XYLB: variants seen among roughly 807,000 people sequenced by gnomAD.
The protein encoded by XYLB is xylulose kinase.
XYLB carries 62 observed loss-of-function variants against 78.7 expected under a neutral mutation model. The observed-to-expected ratio is 0.79, with a 90% CI of 0.64 to 0.97. The LOEUF (loss-of-function observed/expected upper bound fraction) is 0.97, where lower values mean the gene tolerates loss of function less well. Among genes scored for constraint, XYLB ranks in the 50% least tolerant of loss-of-function variants. The pLI, the probability that XYLB is intolerant of heterozygous loss-of-function variation, is 0.00. For missense variants in XYLB, 687 were observed against 676.8 expected, an observed-to-expected ratio of 1.02 and a Z score of -0.17; for synonymous variants, 245 against 247.4, an observed-to-expected ratio of 0.99 and a Z score of 0.09.
chr3:38,364,783 G>A (rs1248862057), intron 4 of XYLB, among the ~76,000 whole-genome samples: 2 of 152,020 alleles, frequency 1.3e-5, no homozygotes, highest in African/African-American at 2.4e-5. Flanking sequence ...TGAAGAATAG[G>A]GATGAAAGTA....
chr3:38,400,492 G>T (rs1191526233), intron 17 of XYLB, among the ~76,000 whole-genome samples: 1 of 152,150 alleles, frequency 6.6e-6, no homozygotes, highest in Non-Finnish European at 1.5e-5. Context: ...GAGGCAGAAT[G>T]AGTGGAGAGA....
chr3:38,410,568 A>G (rs372265235), intron 18 of XYLB, among the ~76,000 whole-genome samples: 4 of 152,256 alleles, frequency 2.6e-5, no homozygotes, highest in South Asian at 2.1e-4. Flanking sequence ...TCTGCACAGC[A>G]AACGAAACTA....
At chr3:38,422,821 G>A (rs1026750478), downstream of XYLB, among the ~76,000 whole-genome samples, 13 of 151,874 alleles carry the variant, frequency 8.6e-5, no homozygotes, top group African/African-American at 3.1e-4. Flanking sequence ...ATTTACAAGG[G>A]TTAAAAAAAC....
intron 15 of XYLB, among the ~76,000 whole-genome samples, chr3:38,383,066 T>G (rs571376059): frequency 1.3e-5 from 2 of 152,318 alleles, no homozygotes; most frequent in South Asian, 4.1e-4. Flanking sequence ...GCACTTTGAA[T>G]AAAAATGATT....
chr3:38,377,689 C>T (rs922395554), intron 14 of XYLB, among the ~76,000 whole-genome samples: 7 of 152,078 alleles, frequency 4.6e-5, no homozygotes, highest in African/African-American at 1.2e-4. Flanking sequence ...TCAAGTGATA[C>T]GCCCCCTCCC....
At chr3:38,435,412 G>A in the XYLB span, among the ~76,000 whole-genome samples, 1 of 151,996 alleles carries the variant, frequency 6.6e-6, no homozygotes, top group Non-Finnish European at 1.5e-5. Context: ...AAACATATAT[G>A]CACCCAACAT....
chr3:38,379,095 T>C, intron 14 of XYLB, 151 bp from the exon 15 acceptor site: 1 of 693,622 alleles, frequency 1.4e-6, no homozygotes, highest in South Asian at 1.7e-5. Flanking sequence ...TGTGTGAGTG[T>C]GTGTGACAGG....
At chr3:38,406,081 C>T (rs553188366) in intron 18 of XYLB, among the ~76,000 whole-genome samples, 1 of 152,364 alleles carries the variant, frequency 6.6e-6, no homozygotes, top group Non-Finnish European at 1.5e-5. Flanking sequence ...CAGACTGCCT[C>T]CTCAAGTGGG....
intron 2 of XYLB, chr3:38,355,954 T>A (rs544178428): frequency 3.4e-6 from 2 of 596,178 alleles, no homozygotes; most frequent in South Asian, 4.2e-5. Context: ...ATCCTTTTTT[T>A]AAAGAAAATA....
chr3:38,355,853 T>G (rs1705618035), intron 2 of XYLB: 2 of 699,880 alleles, frequency 2.9e-6, no homozygotes, highest in East Asian at 5.4e-5. Context: ...AACCACCTAC[T>G]GATTGTGCTT....
chr3:38,393,193 C>T (rs1707741392), intron 15 of XYLB, among the ~76,000 whole-genome samples: 1 of 152,066 alleles, frequency 6.6e-6, no homozygotes, highest in South Asian at 2.1e-4. Context: ...CTTTGCCGCA[C>T]AGGCTGGAGT....
chr3:38,412,631 C>A (rs1049798157), intron 18 of XYLB, among the ~76,000 whole-genome samples: 1 of 152,154 alleles, frequency 6.6e-6, no homozygotes, highest in East Asian at 1.9e-4. Flanking sequence ...AGTTGTATCA[C>A]CAGCTTTCAC....
chr3:38,439,568 C>T, the XYLB span, among the ~76,000 whole-genome samples: 5 of 152,170 alleles, frequency 3.3e-5, no homozygotes, highest in Non-Finnish European at 5.9e-5. Flanking sequence ...CGAGACCAAC[C>T]TGGCTAACAT....
At chr3:38,430,574 C>CT in the XYLB span, among the ~76,000 whole-genome samples, 1 of 152,180 alleles carries the variant, frequency 6.6e-6, no homozygotes, top group African/African-American at 2.4e-5. Context: ...TCCCAAATGT[C>CT]TATTTTGGCT....
chr3:38,411,527 TA>T lies in XYLB; in HGVS notation c.1534-1398del, dbSNP rs948767093. Among the ~76,000 whole-genome samples, 1,176 of 145,156 alleles carry T rather than the reference TA, an allele frequency of 8.1e-3. 9 individuals carry two copies. Among genetic ancestry groups the T allele is most frequent in the African/African-American group, 0.025 (1,008 of 39,900 alleles). On this transcript the variant is annotated intron_variant, in intron 18 of 18. Transcript: ENST00000207870. ...CACATGTACCCTAAAACTTAAAGTA[TA>T]AAAAAAAAAATCTGGCAAATTTTTT...
At chr3:38,419,192 T>A (rs532913501), downstream of XYLB, among the ~76,000 whole-genome samples, 8 of 152,276 alleles carry the variant, frequency 5.3e-5, no homozygotes, top group Non-Finnish European at 1.2e-4. Flanking sequence ...TTTATTAAAT[T>A]TTGCATGTGT....
downstream of XYLB, among the ~76,000 whole-genome samples, chr3:38,419,885 T>A (rs1708922477): frequency 6.6e-6 from 1 of 152,090 alleles, no homozygotes; most frequent in Non-Finnish European, 1.5e-5. Flanking sequence ...AGTGGCACCA[T>A]CTCGGCTCAC....
At chr3:38,397,514 T>C (rs1707923891) in intron 17 of XYLB, among the ~76,000 whole-genome samples, 1 of 152,074 alleles carries the variant, frequency 6.6e-6, no homozygotes, top group Non-Finnish European at 1.5e-5. Flanking sequence ...AGAGCCGTCT[T>C]TTCAGCAAGA....
chr3:38,419,842 A>G (rs1424146379), downstream of XYLB, among the ~76,000 whole-genome samples: 3 of 151,230 alleles, frequency 2.0e-5, no homozygotes, highest in Non-Finnish European at 3.0e-5. Context: ...TTTTTTTTAG[A>G]TGGAGTCTTG....
Sources: gnomAD v4.1 joint callset for allele counts (sites outside exome capture counted in the v4.1 genomes callset) on GRCh38, gnomAD v4.1.1 for gene constraint, MANE v1.5 for transcripts, NCBI Gene and HGNC (gene_info 2026-07-23, HGNC 2026-07-21) for gene names.